Variants in SUCLA2 observed in about 807,000 individuals in gnomAD.
SUCLA2 encodes succinate-CoA ligase ADP-forming subunit beta, also known as succinate--CoA ligase [ADP-forming] subunit beta, mitochondrial.
A neutral mutation model predicts 54.8 loss-of-function variants in SUCLA2; 30 were observed. That is an observed-to-expected ratio of 0.55 (90% CI 0.41 to 0.74). SUCLA2 has a LOEUF of 0.74. Ranked by LOEUF, SUCLA2 falls within the 30% of genes least tolerant of loss-of-function variation. SUCLA2 has a pLI of 0.00. For missense variants in SUCLA2, 476 were observed against 562.9 expected, an observed-to-expected ratio of 0.85 and a Z score of 1.56; for synonymous variants, 172 against 188.9, an observed-to-expected ratio of 0.91 and a Z score of 0.74.
intron 4 of SUCLA2, among the ~76,000 whole-genome samples, chr13:47,985,092 T>C (rs1950090741): frequency 6.6e-6 from 1 of 152,170 alleles, no homozygotes; most frequent in Non-Finnish European, 1.5e-5. Flanking sequence ...GCCAACCCCA[T>C]AGAAGTTACC....
At chr13:47,967,581 C>G (rs541237221) in intron 6 of SUCLA2, among the ~76,000 whole-genome samples, 1 of 152,262 alleles carries the variant, frequency 6.6e-6, no homozygotes, top group Admixed American at 6.5e-5. Context: ...TGACTCACGC[C>G]TGTAATCCCA....
At chr13:47,971,852 T>G (rs754365787) in intron 5 of SUCLA2, 25 of 398,318 alleles carry the variant, frequency 6.3e-5, no homozygotes, top group Non-Finnish European at 1.0e-4. Flanking sequence ...AAACAATGAA[T>G]AATAATCACC....
In SUCLA2 at chr13:47,989,472, AAGTGCTGGGATTACAGGCGTGAGCC is replaced by A. The variant is rs546796088; in HGVS notation, c.272-516_272-492del. Among the ~76,000 whole-genome samples the A allele has an allele frequency of 9.8e-3, 1,486 of 152,174 alleles. 27 individuals carry two copies. Among genetic ancestry groups the A allele is most frequent in the African/African-American group, 0.033 (1,372 of 41,526 alleles). On this transcript the variant is annotated intron_variant, in intron 2 of 10. Transcript: ENST00000646932. ...ATGATCTGCCCACCTCGGCCTCCCAAAGTGCTGGGATTACAGGCGTGAGCCAGTGCTGGGATTACAGGCATGAGCC... is the reference window on the plus strand; with the variant it reads ...ATGATCTGCCCACCTCGGCCTCCCAAAGTGCTGGGATTACAGGCATGAGCC...
chr13:47,974,083 ATAATT>A (rs1456008188), intron 4 of SUCLA2, among the ~76,000 whole-genome samples: 1 of 69,306 alleles, frequency 1.4e-5, no homozygotes, highest in Non-Finnish European at 3.9e-5. Context: ...AACTTAAAGT[ATAATT>A]AAAAAAAAAA....
intron 4 of SUCLA2, among the ~76,000 whole-genome samples, chr13:47,978,191 A>G (rs1950033079): frequency 6.6e-6 from 1 of 152,216 alleles, no homozygotes; most frequent in Admixed American, 6.5e-5. Flanking sequence ...GTACCAAAAA[A>G]GAGCCCATAA....
intron 4 of SUCLA2, among the ~76,000 whole-genome samples, chr13:47,984,311 A>C (rs1950082458): frequency 6.6e-6 from 1 of 151,406 alleles, no homozygotes; most frequent in Non-Finnish European, 1.5e-5. Context: ...CTCCTGCCTC[A>C]GCCTCCCGAG....
chr13:47,948,638 G>A (rs112888604), intron 10 of SUCLA2, among the ~76,000 whole-genome samples: 4 of 151,906 alleles, frequency 2.6e-5, no homozygotes, highest in East Asian at 1.9e-4. Context: ...TTCATCCACT[G>A]CCCCGACCCT....
At chr13:47,960,578 T>G (rs1949862519) in intron 6 of SUCLA2, among the ~76,000 whole-genome samples, 1 of 152,162 alleles carries the variant, frequency 6.6e-6, no homozygotes, top group African/African-American at 2.4e-5. Context: ...GGGTACAAAG[T>G]TTTAATGTTC....
At chr13:47,998,857 T>C (rs1215491993) in intron 1 of SUCLA2, among the ~76,000 whole-genome samples, 1 of 152,214 alleles carries the variant, frequency 6.6e-6, no homozygotes, top group African/African-American at 2.4e-5. Flanking sequence ...TTAATCTAGC[T>C]ATCCACTTAA....
Position 47,943,119 on chromosome 13 carries a change from G to A in SUCLA2, c.*252C>T, listed in dbSNP as rs772920028. 64 of 450,890 alleles carry A rather than the reference G, an allele frequency of 1.4e-4. No individual in the cohort carries two copies. The highest frequency in any genetic ancestry group is 2.0e-4 in the Non-Finnish European group (50 of 248,506). The allele number at this position is 450,890 out of a possible 1,614,324, so 27.9% of individuals were successfully genotyped here. ...AATAAACTGGCAAATTGCAAGTTAC[G>A]TTTTGTAGGAGAAGCAAAAAAGACT... On this transcript the variant is annotated 3_prime_UTR_variant, in exon 11 of 11. Transcript: ENST00000646932.
intron 6 of SUCLA2, among the ~76,000 whole-genome samples, chr13:47,968,095 A>G (rs1464085490): frequency 6.6e-6 from 1 of 152,192 alleles, no homozygotes; most frequent in African/African-American, 2.4e-5. Flanking sequence ...ATATCCAGAT[A>G]GCTAATTCCA....
chr13:47,950,065 A>C (rs1949764197), intron 8 of SUCLA2, among the ~76,000 whole-genome samples: 2 of 152,228 alleles, frequency 1.3e-5, no homozygotes, highest in Admixed American at 6.5e-5. Context: ...CATAATGACT[A>C]ATGTTTGACT....
intron 2 of SUCLA2, among the ~76,000 whole-genome samples, chr13:47,989,554 A>T (rs1950134524): frequency 7.6e-5 from 1 of 13,108 alleles, no homozygotes; most frequent in Admixed American, 6.1e-4. Context: ...CCATTTCTTA[A>T]AAGTAAACTG....
intron 4 of SUCLA2, among the ~76,000 whole-genome samples, chr13:47,985,504 T>C (rs1566090709): frequency 1.3e-5 from 2 of 151,830 alleles, no homozygotes; most frequent in Non-Finnish European, 2.9e-5. Flanking sequence ...TTTCTGCTCC[T>C]GCATTAGTTT....
chr13:47,954,378 C>A lies in SUCLA2; in HGVS notation c.964+18G>T. 1 of 1,613,892 alleles carries A rather than the reference C, an allele frequency of 6.2e-7. No homozygotes were observed. Among genetic ancestry groups the A allele is most frequent in the East Asian group, 2.2e-5 (1 of 44,870 alleles). ...TTAAACTTAGTGAATCCAATTCTAA[C>A]ATAAAAACACATGGTACCTAGGCAG... On this transcript the variant is annotated intron_variant, in intron 7 of 10. Transcript: ENST00000646932.
chr13:47,953,745 A>G (rs1321612323), intron 8 of SUCLA2, among the ~76,000 whole-genome samples: 1 of 152,202 alleles, frequency 6.6e-6, no homozygotes, highest in Non-Finnish European at 1.5e-5. Flanking sequence ...ATAGTTCCAC[A>G]GAGATTATTA....
At chr13:47,955,142 G>A (rs575299554) in intron 6 of SUCLA2, among the ~76,000 whole-genome samples, 1 of 152,038 alleles carries the variant, frequency 6.6e-6, no homozygotes, top group South Asian at 2.1e-4. Context: ...AAGGGTTTCT[G>A]GGGAAAAAAA....
chr13:47,964,507 A>C (rs940684788), intron 6 of SUCLA2, among the ~76,000 whole-genome samples: 1 of 152,240 alleles, frequency 6.6e-6, no homozygotes, highest in Non-Finnish European at 1.5e-5. Context: ...TATTTAGTCT[A>C]GCTAACAATA....
intron 4 of SUCLA2, among the ~76,000 whole-genome samples, chr13:47,984,232 C>T (rs1950081582): frequency 6.6e-6 from 1 of 151,056 alleles, no homozygotes; most frequent in Non-Finnish European, 1.5e-5. Context: ...CTCACTCTGT[C>T]ACCCAGGCTG....
Sources: gnomAD v4.1 joint callset for allele counts (sites outside exome capture counted in the v4.1 genomes callset) on GRCh38, gnomAD v4.1.1 for gene constraint, MANE v1.5 for transcripts, NCBI Gene and HGNC (gene_info 2026-07-23, HGNC 2026-07-21) for gene names.